The following DLG2 variants were observed in gnomAD, a reference collection of about 807,000 sequenced individuals.
DLG2 encodes disks large homolog 2.
Under a neutral mutation model 132.5 loss-of-function variants are expected in DLG2, and 45 were observed. The observed-to-expected ratio is 0.34, with a 90% CI of 0.27 to 0.44. The LOEUF (loss-of-function observed/expected upper bound fraction) is 0.44. Ranked by LOEUF, DLG2 falls within the 20% of genes least tolerant of loss-of-function variation. DLG2 has a pLI of 1.00. For synonymous variants in DLG2, 424 were observed against 419.6 expected, an observed-to-expected ratio of 1.01 and a Z score of -0.13; for missense variants, 1,045 against 1,196.9, an observed-to-expected ratio of 0.87 and a Z score of 1.87.
chr11:83,515,487 T>A (rs191298965), intron 21 of DLG2, among the ~76,000 whole-genome samples: 1 of 152,206 alleles, frequency 6.6e-6, no homozygotes, highest in East Asian at 1.9e-4. Context: ...CCTGGATTCA[T>A]TGATTTTTTG....
At chr11:84,390,409 G>A (rs1005493626) in intron 7 of DLG2, among the ~76,000 whole-genome samples, 1 of 152,128 alleles carries the variant, frequency 6.6e-6, no homozygotes, top group African/African-American at 2.4e-5. Context: ...ACACTTTACT[G>A]TACTATCTTC....
chr11:84,463,580 G>A (rs1038928580), intron 7 of DLG2, among the ~76,000 whole-genome samples: 2 of 151,116 alleles, frequency 1.3e-5, no homozygotes, highest in African/African-American at 4.8e-5. Flanking sequence ...TTTCTTTGTA[G>A]ATGAAACTGC....
intron 6 of DLG2, among the ~76,000 whole-genome samples, chr11:84,926,255 T>G (rs1591396748): frequency 6.6e-6 from 1 of 152,006 alleles, no homozygotes; most frequent in African/African-American, 2.4e-5. Context: ...TGGAGATGCA[T>G]TAATTGGTAA....
At chr11:84,778,318 T>G (rs947656637) in intron 6 of DLG2, among the ~76,000 whole-genome samples, 1 of 152,204 alleles carries the variant, frequency 6.6e-6, no homozygotes. Flanking sequence ...TCCATGTGTC[T>G]TTTTATTTTT....
At chr11:85,141,340 T>C (rs994476667) in intron 5 of DLG2, among the ~76,000 whole-genome samples, 2 of 152,066 alleles carry the variant, frequency 1.3e-5, no homozygotes, top group Non-Finnish European at 2.9e-5. Flanking sequence ...ATTTTTCATA[T>C]ATCTATTGGC....
intron 6 of DLG2, among the ~76,000 whole-genome samples, chr11:84,716,150 C>T (rs1474290470): frequency 2.0e-5 from 3 of 151,930 alleles, no homozygotes; most frequent in Non-Finnish European, 4.4e-5. Flanking sequence ...TTCTCATTTT[C>T]CTGATACTTA....
chr11:84,965,457 T>C (rs2053188986), intron 6 of DLG2, among the ~76,000 whole-genome samples: 1 of 152,062 alleles, frequency 6.6e-6, no homozygotes, highest in Non-Finnish European at 1.5e-5. Flanking sequence ...GACTAATATC[T>C]GAAGATAGAA....
intron 11 of DLG2, among the ~76,000 whole-genome samples, chr11:84,058,075 C>T (rs1191219575): frequency 6.6e-6 from 1 of 152,086 alleles, no homozygotes; most frequent in Non-Finnish European, 1.5e-5. Context: ...AGTGGTTGAA[C>T]CAGGCTTTTA....
intron 7 of DLG2, among the ~76,000 whole-genome samples, chr11:84,260,443 TA>T (rs1007268837): frequency 1.3e-5 from 2 of 152,158 alleles, no homozygotes; most frequent in African/African-American, 4.8e-5. Context: ...AATTACTCAC[TA>T]AAACTACATC....
intron 6 of DLG2, among the ~76,000 whole-genome samples, chr11:84,836,302 G>A (rs761465897): frequency 7.9e-5 from 12 of 151,810 alleles, no homozygotes; most frequent in Middle Eastern, 3.4e-3. Context: ...AATTGGTGGC[G>A]CAGGAGTGGG....
At chr11:85,338,723 T>C (rs1228788427) in intron 3 of DLG2, among the ~76,000 whole-genome samples, 1 of 94,984 alleles carries the variant, frequency 1.1e-5, no homozygotes, top group Non-Finnish European at 2.3e-5. Context: ...TTTTTTTTTT[T>C]GAGACGGAGT....
chr11:84,235,201 T>C (rs1417373292), intron 8 of DLG2, among the ~76,000 whole-genome samples: 1 of 152,210 alleles, frequency 6.6e-6, no homozygotes, highest in African/African-American at 2.4e-5. Flanking sequence ...TTTTTTGGAC[T>C]GAACCAATGG....
intron 7 of DLG2, among the ~76,000 whole-genome samples, chr11:84,268,775 A>G (rs1389039371): frequency 6.6e-6 from 1 of 152,016 alleles, no homozygotes; most frequent in Non-Finnish European, 1.5e-5. Context: ...TCTTTTTTAC[A>G]GTTTGTAAAA....
At chr11:84,714,623 T>G (rs866323122) in intron 6 of DLG2, among the ~76,000 whole-genome samples, 7 of 105,040 alleles carry the variant, frequency 6.7e-5, no homozygotes, top group African/African-American at 1.7e-4. Context: ...CTCTTTCTCT[T>G]TCTCTCTCTC....
intron 16 of DLG2, among the ~76,000 whole-genome samples, chr11:83,849,452 T>C (rs1312225838): frequency 6.6e-6 from 1 of 152,006 alleles, no homozygotes; most frequent in South Asian, 2.1e-4. Context: ...TTGGTCCTCA[T>C]AGAATTTCTA....
rs73511108 is a variant in DLG2, at chr11:84,587,952, A to G, written c.358-53221T>C. 3.4e-3 allele frequency among the ~76,000 whole-genome samples: 521 copies of G among 152,154 alleles called. 3 individuals are homozygous for G. Among genetic ancestry groups the G allele is most frequent in the African/African-American group, 0.012 (497 of 41,526 alleles). On this transcript the variant is annotated intron_variant, in intron 6 of 27. Coordinates refer to ENST00000376104, the MANE Select transcript of DLG2 (RefSeq NM_001142699.3). ...TGATCATAACTGGATTTGGCTTTCA[A>G]TCACTCCTCTTTTCAGTGCACTTCC...
intron 7 of DLG2, among the ~76,000 whole-genome samples, chr11:84,530,993 G>C (rs1414425243): frequency 6.6e-6 from 1 of 152,110 alleles, no homozygotes; most frequent in Non-Finnish European, 1.5e-5. Context: ...CAGGAGATCT[G>C]TAGTCCCAGC....
At chr11:84,258,067 GGCCCA>G (rs2097503162) in intron 7 of DLG2, among the ~76,000 whole-genome samples, 1 of 152,058 alleles carries the variant, frequency 6.6e-6, no homozygotes. Context: ...GATCTTGGCT[GGCCCA>G]AGAACCTTCC....
At chr11:85,116,890 A>G (rs1332884688) in intron 5 of DLG2, among the ~76,000 whole-genome samples, 3 of 152,012 alleles carry the variant, frequency 2.0e-5, no homozygotes, top group East Asian at 1.9e-4. Context: ...ATCTTTGAAG[A>G]GGGGTTGAGA....
Sources: gnomAD v4.1 joint callset for allele counts (sites outside exome capture counted in the v4.1 genomes callset) on GRCh38, gnomAD v4.1.1 for gene constraint, MANE v1.5 for transcripts, NCBI Gene and HGNC (gene_info 2026-07-23, HGNC 2026-07-21) for gene names.